The following KCNH7 variants were observed in gnomAD, a reference collection of about 807,000 sequenced individuals.
KCNH7 encodes potassium voltage-gated channel subfamily H member 7.
A neutral mutation model predicts 120.8 loss-of-function variants in KCNH7; 49 were observed. The observed-to-expected ratio is 0.41, with a 90% CI of 0.32 to 0.51. The LOEUF is 0.51. Among genes scored for constraint, KCNH7 ranks in the 20% least tolerant of loss-of-function variants. The pLI, the probability that KCNH7 is intolerant of heterozygous loss-of-function variation, is 0.38. For missense variants in KCNH7, 1,097 were observed against 1,446.6 expected, an observed-to-expected ratio of 0.76 and a Z score of 3.92; for synonymous variants, 547 against 516.1, an observed-to-expected ratio of 1.06 and a Z score of -0.81.
At chr2:162,563,432 G>C (rs1038697383) in intron 2 of KCNH7, among the ~76,000 whole-genome samples, 9 of 152,136 alleles carry the variant, frequency 5.9e-5, no homozygotes, top group African/African-American at 2.2e-4. Context: ...ACACACAGAG[G>C]CACACACATC....
intron 6 of KCNH7, among the ~76,000 whole-genome samples, chr2:162,496,045 A>C (rs1016579438): frequency 6.6e-6 from 1 of 152,140 alleles, no homozygotes; most frequent in Non-Finnish European, 1.5e-5. Flanking sequence ...CTAAAAGGCC[A>C]TTAAACTTCA....
At chr2:162,407,078 T>C (rs1171480439) in intron 9 of KCNH7, among the ~76,000 whole-genome samples, 1 of 152,044 alleles carries the variant, frequency 6.6e-6, no homozygotes, top group African/African-American at 2.4e-5. Flanking sequence ...TAAGGAAAGA[T>C]TTTCTTGTAT....
intron 2 of KCNH7, among the ~76,000 whole-genome samples, chr2:162,757,085 A>G (rs952462214): frequency 8.5e-5 from 13 of 152,262 alleles, no homozygotes; most frequent in Admixed American, 6.5e-4. Context: ...TGGTTTAAAA[A>G]TATTTTTTCT....
At chr2:162,783,659 C>T (rs531250410) in intron 2 of KCNH7, among the ~76,000 whole-genome samples, 29 of 152,296 alleles carry the variant, frequency 1.9e-4, no homozygotes, top group Admixed American at 1.8e-3. Flanking sequence ...AGCAAACACT[C>T]GCTGAAGGAA....
chr2:162,430,900 A>C (rs995714993), intron 8 of KCNH7, among the ~76,000 whole-genome samples: 1 of 151,832 alleles, frequency 6.6e-6, no homozygotes, highest in South Asian at 2.1e-4. Flanking sequence ...TAAGATATAA[A>C]ATTATGCTAT....
intron 5 of KCNH7, among the ~76,000 whole-genome samples, chr2:162,510,995 G>C (rs773365428): frequency 6.6e-6 from 1 of 151,704 alleles, no homozygotes; most frequent in African/African-American, 2.4e-5. Context: ...TTGTGCAATG[G>C]TTTAGAGATT....
At chr2:162,492,878 T>TGTTTG (rs1250825564) in intron 6 of KCNH7, among the ~76,000 whole-genome samples, 4 of 136,758 alleles carry the variant, frequency 2.9e-5, no homozygotes, top group African/African-American at 1.3e-4. Flanking sequence ...TTTTTTTTTT[T>TGTTTG]TTTTTTTTTT....
intron 2 of KCNH7, among the ~76,000 whole-genome samples, chr2:162,628,332 C>T (rs762957381): frequency 2.6e-5 from 4 of 152,146 alleles, no homozygotes; most frequent in Non-Finnish European, 4.4e-5. Flanking sequence ...CAAAGGTCTT[C>T]AGGCCAAAGA....
At chr2:162,788,988 TAA>T (rs61348204) in intron 2 of KCNH7, among the ~76,000 whole-genome samples, 55,783 of 105,794 alleles carry the variant, frequency 0.53, 15,780 homozygotes, top group Non-Finnish European at 0.67. Flanking sequence ...AGGTACTGGT[TAA>T]AAAAAAAAAA....
At chr2:162,779,735 T>G (rs757375322) in intron 2 of KCNH7, among the ~76,000 whole-genome samples, 10 of 152,214 alleles carry the variant, frequency 6.6e-5, no homozygotes, top group Non-Finnish European at 1.0e-4. Context: ...GGTAGTACAC[T>G]GTCTGAGCCA....
chr2:162,563,900 G>A (rs560191661), intron 2 of KCNH7, among the ~76,000 whole-genome samples: 13 of 152,112 alleles, frequency 8.5e-5, no homozygotes, highest in East Asian at 3.9e-4. Flanking sequence ...TTATTGTGGC[G>A]TTATTTAAGA....
chr2:162,779,232 G>C (rs971152817), intron 2 of KCNH7, among the ~76,000 whole-genome samples: 1 of 151,688 alleles, frequency 6.6e-6, no homozygotes, highest in Admixed American at 6.6e-5. Flanking sequence ...ACAGAGTCTT[G>C]CTCTGTTGCC....
chr2:162,526,233 A>G (rs1691700414), intron 3 of KCNH7, among the ~76,000 whole-genome samples: 1 of 150,862 alleles, frequency 6.6e-6, no homozygotes, highest in African/African-American at 2.4e-5. Flanking sequence ...ACAAGGTAAT[A>G]AGATATCACA....
In KCNH7 at chr2:162,599,276, C is replaced by G. The variant is rs1371697680; in HGVS notation, c.308-62196G>C. 2.0e-5 allele frequency among the ~76,000 whole-genome samples: 3 copies of G among 151,684 alleles called. No individual in the cohort carries two copies. The South Asian group carries it at 6.2e-4, about 32-fold the overall frequency. ...AGAAAGCTCATGTAATCAAACAATT[C>G]TCAGAAATTAGCCTTTCTTCAGAGT... is the stretch of plus-strand genomic sequence containing the variant. On this transcript the variant is annotated intron_variant, in intron 2 of 15. Transcript: ENST00000332142.
intron 6 of KCNH7, among the ~76,000 whole-genome samples, chr2:162,478,859 T>G (rs560696759): frequency 6.6e-6 from 1 of 152,300 alleles, no homozygotes; most frequent in South Asian, 2.1e-4. Context: ...TCAGAGTTTC[T>G]TTTATGCCCT....
Position 162,371,991 on chromosome 2 carries a change from A to G in KCNH7, c.3429T>C (p.Leu1143=). The change falls in exon 16 of 16, where the codon CTT becomes CTC. Residue 1143 remains leucine (L), a synonymous_variant. Transcript: ENST00000332142. ...AAGAGAGATCACTGTCTTGTTTTAA[A>G]AGTGAAGTCAAGTTGTCTTCTGAAG... ...NTASEDNLTS[L]LKQDSDLSLE... 6.2e-7 allele frequency: 1 copy of G among 1,613,858 alleles called. No individual in the cohort carries two copies. Among genetic ancestry groups the G allele is most frequent in the Admixed American group, 1.7e-5 (1 of 59,976 alleles).
intron 6 of KCNH7, among the ~76,000 whole-genome samples, chr2:162,478,712 A>G (rs12466930): frequency 0.029 from 4,357 of 152,214 alleles, 249 homozygotes; most frequent in Admixed American, 0.15. Flanking sequence ...GACACACTGT[A>G]TTTCCTCACC....
chr2:162,554,697 T>C (rs1280715522), intron 2 of KCNH7, among the ~76,000 whole-genome samples: 1 of 152,174 alleles, frequency 6.6e-6, no homozygotes, highest in African/African-American at 2.4e-5. Flanking sequence ...CTGGGTCACA[T>C]ATCCTTCATT....
rs573078635 is a variant in KCNH7 at position 162,550,523 on chromosome 2, C to T, written c.308-13443G>A. On this transcript the variant is annotated intron_variant, in intron 2 of 15. Transcript: ENST00000332142. ...ACTGAGGTTTGTAGATACTGTCAAC[C>T]CTCAGCATATAGCTGTCTCAGGGTT... 3.3e-5 allele frequency among the ~76,000 whole-genome samples: 5 copies of T among 152,090 alleles called. No homozygotes were observed. The East Asian group carries it at 5.8e-4, about 18-fold the overall frequency.
Sources: gnomAD v4.1 joint callset for allele counts (sites outside exome capture counted in the v4.1 genomes callset) on GRCh38, gnomAD v4.1.1 for gene constraint, MANE v1.5 for transcripts, NCBI Gene and HGNC (gene_info 2026-07-23, HGNC 2026-07-21) for gene names.